RBFOX1: variants seen among roughly 807,000 people sequenced by gnomAD.
RBFOX1 encodes RNA binding fox-1 homolog 1, also known as RNA binding protein fox-1 homolog 1.
In RBFOX1, 8 loss-of-function variants were observed where a neutral mutation model predicts 57.7. That is an observed-to-expected ratio of 0.14 (90% CI 0.08 to 0.25). The LOEUF is 0.25. Ranked by LOEUF, RBFOX1 falls within the 10% of genes least tolerant of loss-of-function variation. The pLI, the probability that RBFOX1 is intolerant of heterozygous loss-of-function variation, is 1.00. For synonymous variants in RBFOX1, 326 were observed against 222.4 expected (o/e 1.47, Z -4.15); for missense variants, 611 against 548.5 (o/e 1.11, Z -1.14).
intron 1 of RBFOX1, among the ~76,000 whole-genome samples, chr16:6,124,156 C>T (rs527492793): frequency 6.6e-6 from 1 of 152,228 alleles, no homozygotes; most frequent in Admixed American, 6.5e-5. Flanking sequence ...GTCAGCATTT[C>T]ACTAAGAGGT....
intron 1 of RBFOX1, among the ~76,000 whole-genome samples, chr16:6,241,244 C>G (rs2097538679): frequency 6.6e-6 from 1 of 152,178 alleles, no homozygotes; most frequent in African/African-American, 2.4e-5. Context: ...GAAGCCATGC[C>G]TATTTAAAAC....
chr16:7,126,590 T>C, intron 4 of RBFOX1: 1 of 188,046 alleles, frequency 5.3e-6, no homozygotes, highest in Middle Eastern at 1.6e-3. Context: ...AGGCTGCATG[T>C]GGCTGCAGCC....
chr16:7,217,013 C>T (rs2092173442), intron 4 of RBFOX1, among the ~76,000 whole-genome samples: 6 of 38,024 alleles, frequency 1.6e-4, no homozygotes, highest in South Asian at 2.5e-3. Context: ...CCTCCCTTCC[C>T]TCCCTCCCTC....
chr16:5,392,284 T>TA (rs1220562926), intron 1 of RBFOX1, among the ~76,000 whole-genome samples: 3 of 151,872 alleles, frequency 2.0e-5, no homozygotes, highest in Non-Finnish European at 2.9e-5. Context: ...CCTATGGAAA[T>TA]AAAAAAATTA....
intron 4 of RBFOX1, among the ~76,000 whole-genome samples, chr16:5,922,291 A>G (rs936598505): frequency 5.3e-5 from 8 of 152,200 alleles, no homozygotes; most frequent in Non-Finnish European, 8.8e-5. Context: ...TGCCATCTCC[A>G]ACACTGGGAT....
At chr16:7,000,877 C>T (rs541042423) in intron 3 of RBFOX1, among the ~76,000 whole-genome samples, 2 of 152,144 alleles carry the variant, frequency 1.3e-5, no homozygotes, top group South Asian at 4.1e-4. Flanking sequence ...GCTGGGATTA[C>T]AGGCGTGAGC....
intron 1 of RBFOX1, among the ~76,000 whole-genome samples, chr16:5,466,983 C>A (rs571574190): frequency 6.6e-5 from 10 of 152,284 alleles, no homozygotes; most frequent in South Asian, 4.1e-4. Flanking sequence ...CCATGTTCTC[C>A]CCCATCTTCC....
intron 3 of RBFOX1, among the ~76,000 whole-genome samples, chr16:7,036,202 A>ATT (rs35241664): frequency 5.9e-4 from 86 of 145,854 alleles, no homozygotes; most frequent in South Asian, 1.3e-3. Context: ...TCACCTTGAC[A>ATT]TTTTTTTTTT....
chr16:5,944,223 G>C (rs4786793), intron 4 of RBFOX1, among the ~76,000 whole-genome samples: 106,587 of 152,122 alleles, frequency 0.7, 37,909 homozygotes, highest in African/African-American at 0.82. Flanking sequence ...AGGAAAGAAC[G>C]AGATACATGG....
At chr16:6,310,168 G>T (rs933745696) in intron 1 of RBFOX1, among the ~76,000 whole-genome samples, 1 of 152,164 alleles carries the variant, frequency 6.6e-6, no homozygotes, top group Non-Finnish European at 1.5e-5. Flanking sequence ...TTACAGGCGT[G>T]AGCCACCACA....
In RBFOX1 at chr16:5,390,271, CG is replaced by C. The variant is rs1452112506; in HGVS notation, c.220-76944del. 3.5e-5 allele frequency among the ~76,000 whole-genome samples: 5 copies of C among 141,774 alleles called. No individual in the cohort carries two copies. In the East Asian group the frequency reaches 1.0e-3, roughly 28 times the overall value. The allele number at this position is 141,774 out of a possible 152,430, so 93.0% of individuals were successfully genotyped here. On this transcript the variant is annotated intron_variant, in intron 1 of 2. Coordinates refer to the RBFOX1 transcript ENST00000585867. Reference sequence around the variant, plus strand: ...TATGTAAAATATAGTATGTAAATATCGAAAAGTAGTTTTTTTTTTCTTTTTT... The same window carrying C: ...TATGTAAAATATAGTATGTAAATATCAAAAGTAGTTTTTTTTTTCTTTTTT...
At chr16:6,185,842 T>A (rs887820964) in intron 1 of RBFOX1, among the ~76,000 whole-genome samples, 2 of 152,038 alleles carry the variant, frequency 1.3e-5, no homozygotes, top group Admixed American at 1.3e-4. Flanking sequence ...AGGAGGAGAG[T>A]TGGATCTTCT....
chr16:5,955,396 TAAAA>T (rs2059616169), intron 4 of RBFOX1, among the ~76,000 whole-genome samples: 2 of 74,076 alleles, frequency 2.7e-5, no homozygotes, highest in African/African-American at 1.0e-4. Flanking sequence ...TAAAATAAAA[TAAAA>T]TAAAATAAAA....
intron 4 of RBFOX1, among the ~76,000 whole-genome samples, chr16:7,502,232 C>T (rs1381626081): frequency 6.6e-6 from 1 of 152,142 alleles, no homozygotes; most frequent in Non-Finnish European, 1.5e-5. Flanking sequence ...CGAATGCAAG[C>T]CAACCGATAT....
intron 2 of RBFOX1, among the ~76,000 whole-genome samples, chr16:6,613,366 G>A (rs1415831513): frequency 6.6e-6 from 1 of 152,090 alleles, no homozygotes; most frequent in Non-Finnish European, 1.5e-5. Flanking sequence ...TTAGCACACA[G>A]AAAATCCATA....
chr16:7,200,159 T>G (rs547685534), intron 4 of RBFOX1, among the ~76,000 whole-genome samples: 1 of 152,326 alleles, frequency 6.6e-6, no homozygotes, highest in East Asian at 1.9e-4. Context: ...AAATTGGGCC[T>G]CCACCTGGAA....
At chr16:7,404,119 C>A (rs535785475) in intron 4 of RBFOX1, among the ~76,000 whole-genome samples, 311 of 151,404 alleles carry the variant, frequency 2.1e-3, no homozygotes, top group Admixed American at 4.4e-3. Context: ...GTGACTCATT[C>A]TCGGCTCACT....
intron 3 of RBFOX1, among the ~76,000 whole-genome samples, chr16:6,689,603 T>C (rs2059926074): frequency 6.6e-6 from 1 of 152,166 alleles, no homozygotes; most frequent in Admixed American, 6.6e-5. Flanking sequence ...ATAAACAATA[T>C]CAAAGGGTTT....
At chr16:5,534,418 C>G (rs569692442) in intron 2 of RBFOX1, among the ~76,000 whole-genome samples, 82 of 152,296 alleles carry the variant, frequency 5.4e-4, no homozygotes, top group African/African-American at 1.8e-3. Flanking sequence ...CCAGATGCCT[C>G]AAAAGCATGG....
Sources: gnomAD v4.1 joint callset for allele counts (sites outside exome capture counted in the v4.1 genomes callset) on GRCh38, gnomAD v4.1.1 for gene constraint, MANE v1.5 for transcripts, NCBI Gene and HGNC (gene_info 2026-07-23, HGNC 2026-07-21) for gene names.